PPIL6: variants seen among roughly 807,000 people sequenced by gnomAD.
PPIL6 encodes probable inactive peptidyl-prolyl cis-trans isomerase-like 6.
Under a neutral mutation model 36.8 loss-of-function variants are expected in PPIL6, and 39 were observed. That is an observed-to-expected ratio of 1.06 (90% CI 0.82 to 1.38). The LOEUF (loss-of-function observed/expected upper bound fraction) is 1.38, where lower values mean the gene tolerates loss of function less well. Ranked by LOEUF, PPIL6 falls within the 40% of genes most tolerant of loss-of-function variation. The probability of loss-of-function intolerance (pLI) is 0.00; values close to 1 mark genes in which losing one functional copy is unlikely to be tolerated. For synonymous variants in PPIL6, 123 were observed against 134.1 expected (o/e 0.92, Z 0.57); for missense variants, 368 against 379.1 (o/e 0.97, Z 0.24).
intron 5 of PPIL6, among the ~76,000 whole-genome samples, chr6:109,423,246 T>C (rs958157000): frequency 1.3e-5 from 2 of 152,080 alleles, no homozygotes; most frequent in Admixed American, 1.3e-4. Context: ...CGCGTGCCTG[T>C]ATCCCAGTTA....
chr6:109,421,290 A>G (rs1334368228), intron 5 of PPIL6, among the ~76,000 whole-genome samples: 1 of 152,232 alleles, frequency 6.6e-6, no homozygotes, highest in East Asian at 1.9e-4. Context: ...ATCTGATATT[A>G]TTGCTATACT....
chr6:109,431,470 T>C (rs1774157141), intron 2 of PPIL6, 125 bp from the exon 3 acceptor site: 3 of 534,658 alleles, frequency 5.6e-6, no homozygotes, highest in Non-Finnish European at 3.0e-6. Context: ...ATTGAATCTT[T>C]TAAAAATAAG....
intron 6 of PPIL6, among the ~76,000 whole-genome samples, chr6:109,400,456 C>T (rs1186090614): frequency 6.6e-6 from 1 of 152,110 alleles, no homozygotes; most frequent in African/African-American, 2.4e-5. Flanking sequence ...GAAATATATA[C>T]AGTATTCTAA....
intron 7 of PPIL6, among the ~76,000 whole-genome samples, chr6:109,393,590 C>A (rs1382226358): frequency 6.6e-6 from 1 of 152,092 alleles, no homozygotes; most frequent in African/African-American, 2.4e-5. Flanking sequence ...CAGTAATTTC[C>A]CATTATCCTT....
rs1367430709 is a variant in PPIL6 at position 109,435,499 on chromosome 6, C to T, written c.231+605G>A. Among the ~76,000 whole-genome samples the T allele has an allele frequency of 1.4e-4, 21 of 151,998 alleles. 1 individual carries two copies. The highest frequency in any genetic ancestry group is 3.9e-4 in the African/African-American group (16 of 41,396). Reference sequence around the variant, plus strand: ...TTTTCGTAGAGACGGAGTTTCACCACGTTGGCCAGGATGGTCTTGATCTCC... The same window carrying T: ...TTTTCGTAGAGACGGAGTTTCACCATGTTGGCCAGGATGGTCTTGATCTCC... On this transcript the variant is annotated intron_variant, in intron 2 of 7. Coordinates refer to ENST00000521072, the MANE Select transcript of PPIL6 (RefSeq NM_173672.5).
chr6:109,439,414 T>C (rs558334415), intron 1 of PPIL6, among the ~76,000 whole-genome samples: 3 of 152,332 alleles, frequency 2.0e-5, no homozygotes, highest in African/African-American at 7.2e-5. Flanking sequence ...TGGAGGGCAA[T>C]GGCGCGATCT....
At chr6:109,407,287 C>T (rs1020233357) in intron 6 of PPIL6, among the ~76,000 whole-genome samples, 13 of 151,624 alleles carry the variant, frequency 8.6e-5, no homozygotes, top group African/African-American at 1.7e-4. Context: ...TCGCCCAGGC[C>T]GGACTGCAGT....
In PPIL6 at chr6:109,390,226, C is replaced by A. The variant is rs1290196851; in HGVS notation, c.*2600G>T. 6 of 152,226 alleles carry A rather than the reference C, an allele frequency of 3.9e-5. No individual in the cohort carries two copies. The highest frequency in any genetic ancestry group is 1.4e-4 in the African/African-American group (6 of 41,454). 9.4% of individuals were successfully genotyped at this position (152,226 alleles called of 1,614,324 possible). On this transcript the variant is annotated 3_prime_UTR_variant, in exon 8 of 8. Transcript: ENST00000521072. ...CTGAGGCTACACCCTGAAGGTTACA[C>A]ATTAGTAATTTATTATTAAATTTAT...
chr6:109,436,105 CT>C lies in PPIL6; in HGVS notation c.229del (p.Arg77GlyfsTer14), dbSNP rs757851035. 33 of 1,528,488 alleles carry C rather than the reference CT, an allele frequency of 2.2e-5. No homozygotes were observed. Among genetic ancestry groups the C allele is most frequent in the African/African-American group, 4.1e-5 (3 of 73,254 alleles). The allele number at this position is 1,528,488 out of a possible 1,614,324, so 94.7% of individuals were successfully genotyped here. On this transcript the variant is annotated frameshift_variant and splice_region_variant, in exon 2 of 8. Transcript: ENST00000521072. LOFTEE classifies it high-confidence loss of function. ...CCCCACACCCCAAATATCCTTTACC[CT>C]TTTTTTCTCCTGTAGATATTGATGC... The part of the protein sequence containing the change: ...AWHQYLQEKK[R>X]ELKNETWEYS...
intron 1 of PPIL6, chr6:109,440,149 GGT>G (rs142756236): frequency 0.014 from 5,560 of 386,720 alleles, no homozygotes; most frequent in East Asian, 0.018. Context: ...AAAATCTGCG[GGT>G]GTGTGTGTGT....
At chr6:109,440,729 A>G (rs1329558799), upstream of PPIL6, 2 of 381,350 alleles carry the variant, frequency 5.2e-6, no homozygotes, top group Admixed American at 6.1e-5. Context: ...CCTTTCCTCA[A>G]CTTTGCGCCT....
chr6:109,409,886 G>C (rs1343622966), intron 6 of PPIL6, among the ~76,000 whole-genome samples: 1 of 152,186 alleles, frequency 6.6e-6, no homozygotes, highest in Non-Finnish European at 1.5e-5. Context: ...AAAATGGAAA[G>C]CTATTTCATG....
At position 109,440,516 on chromosome 6, in the gene PPIL6, C is replaced by A. The variant is rs1029676748; in HGVS notation, c.75G>T (p.Gln25His). The part of the protein sequence containing the change: ...GSPSLPERPL[Q>H]VKVVGLFSCP... Reference sequence around the variant, plus strand: ...AGCTGAAGAGCCCCACCACCTTCACCTGCAGCGGCCGCTCCGGCAGCGACG... The same window carrying A: ...AGCTGAAGAGCCCCACCACCTTCACATGCAGCGGCCGCTCCGGCAGCGACG... The change falls in exon 1 of 8, where the codon CAG becomes CAT. Residue 25 changes from glutamine (Q) to histidine (H), a missense_variant. By Grantham distance (24) the Gln-to-His change is conservative. Coordinates refer to ENST00000521072, the MANE Select transcript of PPIL6 (RefSeq NM_173672.5). The A allele has an allele frequency of 2.0e-6, 3 of 1,514,880 alleles. No individual in the cohort carries two copies. The highest frequency in any genetic ancestry group is 2.6e-6 in the Non-Finnish European group (3 of 1,132,390). 93.8% of individuals were successfully genotyped at this position (1,514,880 alleles called of 1,614,324 possible).
intron 6 of PPIL6, among the ~76,000 whole-genome samples, chr6:109,402,406 C>T (rs188104787): frequency 3.3e-5 from 5 of 152,232 alleles, no homozygotes; most frequent in Admixed American, 6.5e-5. Flanking sequence ...TGTGGTGGTG[C>T]ATGCCTGTAA....
chr6:109,405,286 G>A (rs997657158), intron 6 of PPIL6, among the ~76,000 whole-genome samples: 3 of 152,016 alleles, frequency 2.0e-5, no homozygotes, highest in Non-Finnish European at 4.4e-5. Context: ...TGCACTTAAT[G>A]TTTCCTTATA....
intron 5 of PPIL6, among the ~76,000 whole-genome samples, chr6:109,421,835 TC>T (rs774327475): frequency 6.2e-4 from 95 of 152,106 alleles, no homozygotes; most frequent in Non-Finnish European, 9.3e-4. Flanking sequence ...GGCCAGGAGT[TC>T]AAGACCAGCC....
chr6:109,418,981 A>G (rs1773406422), intron 6 of PPIL6, among the ~76,000 whole-genome samples: 1 of 152,110 alleles, frequency 6.6e-6, no homozygotes. Context: ...AAATAATATC[A>G]TTAGGTAAGT....
intron 5 of PPIL6, 129 bp downstream of exon 5, chr6:109,426,717 AT>A: frequency 1.8e-6 from 1 of 556,426 alleles, no homozygotes; most frequent in South Asian, 4.6e-5. Context: ...ATTTGGCTAT[AT>A]AAAGCATTCT....
rs143076835 is a variant in PPIL6, at chr6:109,439,383, G to T, written c.135+1073C>A. Among the ~76,000 whole-genome samples the T allele has an allele frequency of 5.8e-4, 88 of 152,220 alleles. No individual in the cohort carries two copies. In the East Asian group the frequency reaches 0.013, roughly 23 times the overall value. On this transcript the variant is annotated intron_variant, in intron 1 of 7. Coordinates refer to ENST00000521072, the MANE Select transcript of PPIL6 (RefSeq NM_173672.5). Reference sequence around the variant, plus strand: ...TATTATTTATTTATTTTGAGACGGGGTCTGGCTCTGTCGCCCAGGCTGGAG... The same window carrying T: ...TATTATTTATTTATTTTGAGACGGGTTCTGGCTCTGTCGCCCAGGCTGGAG...
Sources: gnomAD v4.1 joint callset for allele counts (sites outside exome capture counted in the v4.1 genomes callset) on GRCh38, gnomAD v4.1.1 for gene constraint, MANE v1.5 for transcripts, NCBI Gene and HGNC (gene_info 2026-07-23, HGNC 2026-07-21) for gene names.